Variants in COL4A6 observed in about 807,000 individuals in gnomAD.
The protein encoded by COL4A6 is collagen alpha-6(IV) chain.
A neutral mutation model predicts 126.7 loss-of-function variants in COL4A6; 59 were observed. The observed-to-expected ratio is 0.47, with a 90% CI of 0.38 to 0.58. The LOEUF (loss-of-function observed/expected upper bound fraction) is 0.58, where lower values mean the gene tolerates loss of function less well. COL4A6 is among the 20% of genes least tolerant of loss of function. The pLI is 0.00. For missense variants in COL4A6, 1,285 were observed against 1,337.3 expected, an observed-to-expected ratio of 0.96 and a Z score of 0.61; for synonymous variants, 547 against 496.6, an observed-to-expected ratio of 1.10 and a Z score of -1.35.
chrX:108,331,296 A>T (rs1320449797), intron 2 of COL4A6, among the ~76,000 whole-genome samples: 1 of 111,777 alleles, frequency 8.9e-6, no homozygotes, highest in Non-Finnish European at 1.9e-5. Flanking sequence ...ACTAGGAAAC[A>T]TTCTGAGAAA....
chrX:108,414,858 A>C (rs2041405291), intron 2 of COL4A6, among the ~76,000 whole-genome samples: 1 of 111,486 alleles, frequency 9.0e-6, no homozygotes, highest in Admixed American at 9.5e-5. Flanking sequence ...GTGAAAACAA[A>C]ACATGTCTTT....
chrX:108,389,846 T>A (rs1480979870), intron 2 of COL4A6, among the ~76,000 whole-genome samples: 1 of 111,854 alleles, frequency 8.9e-6, no homozygotes, highest in Non-Finnish European at 1.9e-5. Context: ...CAATTTGGTA[T>A]GTTTTTCCAG....
chrX:108,199,199 T>A (rs2035314079), intron 13 of COL4A6, among the ~76,000 whole-genome samples: 1 of 110,179 alleles, frequency 9.1e-6, no homozygotes, highest in African/African-American at 3.3e-5. Context: ...AAGGAACATT[T>A]TGGATTCCCT....
rs897896510 is a variant in COL4A6, at chrX:108,187,141, C to T, written c.1906G>A (p.Gly636Ser). The change falls in exon 23 of 45, where the codon GGC becomes AGC. Residue 636 changes from glycine to serine, a missense_variant. Coordinates refer to ENST00000334504, the MANE Select transcript of COL4A6 (RefSeq NM_033641.4). ...TGTTGTCCCGGTAATCCATCCTTGC[C>T]TTTATCTCCAGGAAGCCCACGGGGT... ...PGPRGLPGDKGKDGLPGQQGL... is the reference protein window; with the variant it reads ...PGPRGLPGDKSKDGLPGQQGL... 3 of 1,190,439 alleles carry T rather than the reference C, an allele frequency of 2.5e-6. No individual in the cohort carries two copies. The highest frequency in any genetic ancestry group is 3.4e-6 in the Non-Finnish European group (3 of 883,106).
At chrX:108,225,459 T>C (rs1406842260) in intron 3 of COL4A6, among the ~76,000 whole-genome samples, 1 of 112,578 alleles carries the variant, frequency 8.9e-6, no homozygotes, top group Non-Finnish European at 1.9e-5. Context: ...CAATGAGCTC[T>C]CCTGCTTCCA....
At chrX:108,295,181 G>C (rs953669757) in intron 3 of COL4A6, among the ~76,000 whole-genome samples, 2 of 112,117 alleles carry the variant, frequency 1.8e-5, no homozygotes, top group Non-Finnish European at 3.8e-5. Context: ...TATACATTTA[G>C]ATCACAGATG....
intron 12 of COL4A6, among the ~76,000 whole-genome samples, chrX:108,203,493 C>T (rs2035450029): frequency 8.9e-6 from 1 of 112,301 alleles, no homozygotes; most frequent in South Asian, 3.7e-4. Context: ...TTCATGTTGC[C>T]AGACCATTCC....
intron 2 of COL4A6, chrX:108,383,371 C>T: frequency 2.4e-6 from 1 of 422,230 alleles, no homozygotes; most frequent in Admixed American, 2.8e-5. Context: ...CAACAGAGCA[C>T]CAAGCTATAA....
chrX:108,205,241 A>G (rs2035512909), intron 11 of COL4A6, among the ~76,000 whole-genome samples, 198 bp downstream of exon 11: 1 of 111,439 alleles, frequency 9.0e-6, no homozygotes, highest in Admixed American at 9.5e-5. Flanking sequence ...TGAAGGGAAA[A>G]GAACCACAAT....
At chrX:108,339,055 T>G in intron 2 of COL4A6, among the ~76,000 whole-genome samples, 1 of 111,921 alleles carries the variant, frequency 8.9e-6, no homozygotes, top group South Asian at 3.8e-4. Flanking sequence ...AAAAAAATGT[T>G]GGGAATCAGA....
chrX:108,397,674 G>A (rs1422996856), intron 2 of COL4A6, among the ~76,000 whole-genome samples: 1 of 109,480 alleles, frequency 9.1e-6, no homozygotes, highest in Non-Finnish European at 1.9e-5. Flanking sequence ...GGAGAAGTAG[G>A]TATACTGATG....
At chrX:108,230,797 A>G (rs892510774) in intron 3 of COL4A6, among the ~76,000 whole-genome samples, 3 of 111,734 alleles carry the variant, frequency 2.7e-5, no homozygotes, top group Non-Finnish European at 3.8e-5. Flanking sequence ...AGAGCCTCCC[A>G]GTCAACTCTG....
chrX:108,304,615 C>G (rs1388114425), intron 3 of COL4A6, among the ~76,000 whole-genome samples: 1 of 111,879 alleles, frequency 8.9e-6, no homozygotes, highest in Non-Finnish European at 1.9e-5. Flanking sequence ...CATTAATGTT[C>G]TCATCTTGGA....
At chrX:108,264,302 C>A (rs1414992264) in intron 3 of COL4A6, among the ~76,000 whole-genome samples, 1 of 111,921 alleles carries the variant, frequency 8.9e-6, no homozygotes, top group African/African-American at 3.2e-5. Context: ...CTCTGTAAGA[C>A]CTCCTAACAC....
rs1389182665 is a variant in COL4A6, at chrX:108,277,673, G to A, written c.144+33075C>T. On this transcript the variant is annotated intron_variant, in intron 3 of 44. Transcript: ENST00000334504. ...AGCACGCAGCTGGAGATCTGAGAACGGGCAGACTGCCTCCTCAAGTGGGTC... is the reference window on the plus strand; with the variant it reads ...AGCACGCAGCTGGAGATCTGAGAACAGGCAGACTGCCTCCTCAAGTGGGTC... 1.3e-4 allele frequency among the ~76,000 whole-genome samples: 15 copies of A among 112,170 alleles called. No homozygotes were observed. In the East Asian group the frequency reaches 1.4e-3, roughly 11 times the overall value.
At chrX:108,184,392 G>C (rs1569338416) in intron 23 of COL4A6, among the ~76,000 whole-genome samples, 2 of 112,208 alleles carry the variant, frequency 1.8e-5, no homozygotes, top group African/African-American at 6.5e-5. Flanking sequence ...TTGGTTTCCA[G>C]AGTGGCTGTG....
intron 3 of COL4A6, among the ~76,000 whole-genome samples, chrX:108,291,512 A>G (rs184203111): frequency 3.1e-4 from 35 of 111,575 alleles, no homozygotes; most frequent in African/African-American, 1.1e-3. Flanking sequence ...TCTTTAAGTA[A>G]CCATTCTCCT....
chrX:108,214,272 T>A, intron 5 of COL4A6, 44 bp from the exon 6 acceptor site: 1 of 975,090 alleles, frequency 1.0e-6, no homozygotes, highest in Non-Finnish European at 1.4e-6. Context: ...CAAAGGACTG[T>A]CAGCTATTCT....
chrX:108,436,316 T>C (rs2064266408), intron 2 of COL4A6, among the ~76,000 whole-genome samples: 1 of 112,403 alleles, frequency 8.9e-6, no homozygotes, highest in African/African-American at 3.2e-5. Context: ...ACCAAAGCAG[T>C]GCTTAATTTT....
Sources: allele counts gnomAD v4.1 joint callset (sites outside exome capture counted in the v4.1 genomes callset), GRCh38; gene constraint gnomAD v4.1.1; transcripts MANE v1.5; gene names NCBI Gene and HGNC (gene_info 2026-07-23, HGNC 2026-07-21).